Variants in PCDHA5 observed in about 807,000 individuals in gnomAD.
The protein encoded by PCDHA5 is protocadherin alpha-5.
PCDHA5 carries 43 observed loss-of-function variants against 61.6 expected under a neutral mutation model. The ratio of observed to expected loss-of-function variants is 0.70; its 90% CI spans 0.55 to 0.90. The LOEUF is 0.90. Among genes scored for constraint, PCDHA5 ranks in the 40% least tolerant of loss-of-function variants. PCDHA5 has a pLI of 0.00. For synonymous variants in PCDHA5, 627 were observed against 543.9 expected, an observed-to-expected ratio of 1.15 and a Z score of -2.13; for missense variants, 1,298 against 1,222.7, an observed-to-expected ratio of 1.06 and a Z score of -0.92.
chr5:140,921,406 C>T (rs1436249655), intron 1 of PCDHA5, among the ~76,000 whole-genome samples: 8 of 152,092 alleles, frequency 5.3e-5, no homozygotes, highest in African/African-American at 1.9e-4. Flanking sequence ...CTAGATTTTC[C>T]TCTGTGCTGC....
intron 1 of PCDHA5, among the ~76,000 whole-genome samples, chr5:140,937,334 G>T (rs1459343291): frequency 3.3e-5 from 5 of 152,092 alleles, no homozygotes; most frequent in African/African-American, 1.2e-4. Flanking sequence ...ACCGCGCCCG[G>T]CTTCTTCCAT....
intron 1 of PCDHA5, chr5:140,857,903 A>C (rs1554150826): frequency 6.3e-7 from 1 of 1,597,806 alleles, no homozygotes; most frequent in East Asian, 2.2e-5. Context: ...TGGTGCACGC[A>C]TCCCGTTTCG....
intron 1 of PCDHA5, among the ~76,000 whole-genome samples, chr5:140,908,977 A>T (rs1461491727): frequency 6.6e-6 from 1 of 152,168 alleles, no homozygotes; most frequent in Non-Finnish European, 1.5e-5. Context: ...GCCCCACTCC[A>T]CTGGACCCCT....
chr5:140,876,020 A>G, intron 1 of PCDHA5: 2 of 1,613,802 alleles, frequency 1.2e-6, no homozygotes, highest in South Asian at 1.1e-5. Flanking sequence ...CTTAAAATAA[A>G]AACAAAAAAA....
intron 1 of PCDHA5, chr5:140,835,303 A>C (rs1773561799): frequency 6.2e-7 from 1 of 1,612,938 alleles, no homozygotes; most frequent in African/African-American, 1.3e-5. Context: ...GTGATAGGAC[A>C]TATGGATTTT....
At chr5:140,902,558 T>G (rs2069554536) in intron 1 of PCDHA5, among the ~76,000 whole-genome samples, 2 of 152,242 alleles carry the variant, frequency 1.3e-5, no homozygotes, top group South Asian at 4.1e-4. Context: ...ACCCAGATTT[T>G]TGAGGGTTTT....
At chr5:140,828,373 G>A (rs1554131267) in intron 1 of PCDHA5, 1 of 1,614,292 alleles carries the variant, frequency 6.2e-7, no homozygotes, top group Admixed American at 1.7e-5. Context: ...ACCGCGAGGA[G>A]CTGTGCGGGC....
chr5:140,870,391 G>A lies in PCDHA5; in HGVS notation c.2352+46264G>A. 1.9e-6 allele frequency: 3 copies of A among 1,614,230 alleles called. No homozygotes were observed. Among genetic ancestry groups the A allele is most frequent in the East Asian group, 2.2e-5 (1 of 44,872 alleles). The stretch of plus-strand genomic sequence containing the variant: ...ACTGGTGGTGACTGCGCGGGATGGG[G>A]GTTCGCCTTCTCTGTGGGCCACGGC... On this transcript the variant is annotated intron_variant, in intron 1 of 3. Transcript: ENST00000529859.
chr5:140,853,994 C>T (rs1157670229), intron 1 of PCDHA5: 36 of 477,606 alleles, frequency 7.5e-5, no homozygotes, highest in Non-Finnish European at 9.6e-5. Flanking sequence ...TGAGACTCAT[C>T]TCTGCCAAAA....
chr5:140,982,035 A>G (rs950479755), intron 2 of PCDHA5, among the ~76,000 whole-genome samples: 2 of 152,280 alleles, frequency 1.3e-5, no homozygotes, highest in Admixed American at 1.3e-4. Context: ...CAATACTCCA[A>G]TTATCAGAAA....
intron 1 of PCDHA5, chr5:140,856,667 C>T: frequency 6.3e-7 from 1 of 1,597,938 alleles, no homozygotes; most frequent in Non-Finnish European, 8.6e-7. Context: ...AAATCCTCAG[C>T]TAAAGTTGTT....
At chr5:140,927,590 T>C (rs782100491) in intron 1 of PCDHA5, 21 of 1,614,058 alleles carry the variant, frequency 1.3e-5, no homozygotes, top group Non-Finnish European at 1.4e-5. Flanking sequence ...GCGCCTGTAT[T>C]TGAGCGCTCC....
At chr5:140,896,960 T>C (rs1242760287) in intron 1 of PCDHA5, among the ~76,000 whole-genome samples, 1 of 152,234 alleles carries the variant, frequency 6.6e-6, no homozygotes, top group Non-Finnish European at 1.5e-5. Context: ...CTTAAACATT[T>C]ATTCTTTGCA....
At position 140,823,372 on chromosome 5, in the gene PCDHA5, C is replaced by A; in HGVS notation, c.1597C>A (p.Gln533Lys). The stretch of plus-strand genomic sequence containing the variant: ...CGAGGAAGTGGAGCTGCTGCAGTTC[C>A]AGGTGAGCGCGCGCGACGCGGGCGT... ...DHEEVELLQF[Q>K]VSARDAGVPP... Residue 533 changes from glutamine (Q) to lysine (K), a missense_variant, in exon 1 of 4, where the codon CAG becomes AAG. Transcript: ENST00000529859. 1 of 1,612,598 alleles carries A rather than the reference C, an allele frequency of 6.2e-7. No individual in the cohort carries two copies. The highest frequency in any genetic ancestry group is 8.5e-7 in the Non-Finnish European group (1 of 1,179,764).
intron 1 of PCDHA5, chr5:140,843,458 C>T: frequency 6.3e-7 from 1 of 1,596,092 alleles, no homozygotes; most frequent in Non-Finnish European, 8.6e-7. Flanking sequence ...CCTGCTGGTG[C>T]TCACGCTGCT....
chr5:140,876,764 G>A (rs1562718507), intron 1 of PCDHA5: 3 of 1,614,220 alleles, frequency 1.9e-6, no homozygotes, highest in Non-Finnish European at 2.5e-6. Context: ...CGGGATGGGG[G>A]CTCGCCTTCG....
At chr5:140,847,142 A>C (rs1780872222) in intron 1 of PCDHA5, among the ~76,000 whole-genome samples, 1 of 149,820 alleles carries the variant, frequency 6.7e-6, no homozygotes, top group South Asian at 2.1e-4. Flanking sequence ...CAATGTAAGA[A>C]GATCTCTTGA....
At chr5:140,904,074 T>G (rs2070811489) in intron 1 of PCDHA5, among the ~76,000 whole-genome samples, 1 of 152,214 alleles carries the variant, frequency 6.6e-6, no homozygotes, top group East Asian at 1.9e-4. Flanking sequence ...GGGAACAGTA[T>G]TTGGTTACAT....
Position 140,857,251 on chromosome 5 carries a change from G to T in PCDHA5, c.2352+33124G>T, listed in dbSNP as rs1554149715. The T allele has an allele frequency of 1.9e-6, 3 of 1,598,606 alleles. No individual in the cohort carries two copies. In the Admixed American group the frequency reaches 5.1e-5, roughly 27 times the overall value. ...CGTTCAAGCTGGTGTCCACCTACAA[G>T]AATTACTACTCATTGGTGCTGGACA... is the stretch of plus-strand genomic sequence containing the variant. On this transcript the variant is annotated intron_variant, in intron 1 of 3. Coordinates refer to ENST00000529859, the MANE Select transcript of PCDHA5 (RefSeq NM_018908.3).
Sources: allele counts gnomAD v4.1 joint callset (sites outside exome capture counted in the v4.1 genomes callset), GRCh38; gene constraint gnomAD v4.1.1; transcripts MANE v1.5; gene names NCBI Gene and HGNC (gene_info 2026-07-23, HGNC 2026-07-21).